The following SUPT3H variants were observed in gnomAD, a reference collection of about 807,000 sequenced individuals.
SUPT3H encodes the protein transcription initiation protein SPT3 homolog.
Under a neutral mutation model 44.3 loss-of-function variants are expected in SUPT3H, and 44 were observed. That is an observed-to-expected ratio of 0.99 (90% CI 0.78 to 1.28). The LOEUF is 1.28. SUPT3H is among the 50% of genes most tolerant of loss of function. SUPT3H has a pLI of 0.00. For missense variants in SUPT3H, 380 were observed against 387.1 expected (o/e 0.98, Z 0.15); for synonymous variants, 124 against 125.6 (o/e 0.99, Z 0.09).
intron 2 of SUPT3H, among the ~76,000 whole-genome samples, chr6:45,250,757 C>A (rs1349119023): frequency 1.3e-5 from 2 of 151,668 alleles, no homozygotes; most frequent in South Asian, 2.1e-4. Context: ...AAAAAAAGAT[C>A]CTAAAAGCAT....
intron 3 of SUPT3H, among the ~76,000 whole-genome samples, chr6:45,050,532 C>A (rs1316630992): frequency 6.6e-6 from 1 of 151,974 alleles, no homozygotes; most frequent in Non-Finnish European, 1.5e-5. Flanking sequence ...GCACAATAAT[C>A]ATTTGAACCT....
At chr6:44,852,567 C>T (rs549409937) in intron 10 of SUPT3H, among the ~76,000 whole-genome samples, 55 of 152,266 alleles carry the variant, frequency 3.6e-4, no homozygotes, top group African/African-American at 1.3e-3. Context: ...TTACCCTCTT[C>T]CCAACCTCCC....
At chr6:45,334,927 A>G (rs1464691017) in intron 2 of SUPT3H, among the ~76,000 whole-genome samples, 1 of 151,314 alleles carries the variant, frequency 6.6e-6, no homozygotes, top group East Asian at 1.9e-4. Flanking sequence ...ATAAAATCCA[A>G]AGATGTTATT....
intron 3 of SUPT3H, among the ~76,000 whole-genome samples, chr6:45,058,323 T>C (rs1290016927): frequency 6.6e-6 from 1 of 152,160 alleles, no homozygotes; most frequent in Non-Finnish European, 1.5e-5. Context: ...TTTTGTACCT[T>C]AGTTTCCTCA....
chr6:44,864,879 A>C (rs774617225), intron 10 of SUPT3H, among the ~76,000 whole-genome samples: 2 of 152,206 alleles, frequency 1.3e-5, no homozygotes, highest in Non-Finnish European at 2.9e-5. Flanking sequence ...GTTACTTATA[A>C]AAATTTCTAA....
intron 9 of SUPT3H, among the ~76,000 whole-genome samples, chr6:44,941,025 T>C (rs1772330556): frequency 6.6e-6 from 1 of 152,156 alleles, no homozygotes; most frequent in Admixed American, 6.5e-5. Flanking sequence ...TCTGCCAATC[T>C]GTATTTTTTA....
At chr6:45,113,577 G>C (rs1800383089) in intron 2 of SUPT3H, among the ~76,000 whole-genome samples, 1 of 152,054 alleles carries the variant, frequency 6.6e-6, no homozygotes, top group African/African-American at 2.4e-5. Flanking sequence ...CTCAACCCCA[G>C]CACTTTGGGA....
At chr6:45,191,300 T>C (rs181713426) in intron 2 of SUPT3H, among the ~76,000 whole-genome samples, 2 of 152,138 alleles carry the variant, frequency 1.3e-5, no homozygotes, top group African/African-American at 4.8e-5. Flanking sequence ...TGCCAAGTAA[T>C]AGAAGTCAAT....
At chr6:45,017,485 C>T (rs1180020690) in intron 4 of SUPT3H, among the ~76,000 whole-genome samples, 1 of 151,934 alleles carries the variant, frequency 6.6e-6, no homozygotes, top group African/African-American at 2.4e-5. Context: ...TTAGGTCTAA[C>T]ATTTAAGTCT....
rs568734838 is a variant in SUPT3H at position 44,886,057 on chromosome 6, G to T, written c.912+46596C>A. ...TGAATGAAATGAAGTGAGAAGGGAA[G>T]TTTAGAGAAAAAAGAATAAAAAGAA... is the stretch of plus-strand genomic sequence containing the variant. On this transcript the variant is annotated intron_variant, in intron 10 of 10. Coordinates refer to ENST00000371459, the MANE Select transcript of SUPT3H (RefSeq NM_003599.4). 9.2e-5 allele frequency among the ~76,000 whole-genome samples: 14 copies of T among 152,234 alleles called. No individual in the cohort carries two copies. In the South Asian group the frequency reaches 2.3e-3, roughly 25 times the overall value.
intron 11 of SUPT3H, among the ~76,000 whole-genome samples, chr6:44,810,573 T>G (rs1337351290): frequency 6.7e-6 from 1 of 149,110 alleles, no homozygotes; most frequent in Non-Finnish European, 1.5e-5. Context: ...AAAATGGATG[T>G]GTCATATAGG....
intron 10 of SUPT3H, among the ~76,000 whole-genome samples, chr6:44,920,663 A>C (rs1768561113): frequency 6.6e-6 from 1 of 152,158 alleles, no homozygotes. Flanking sequence ...GAAATCCATA[A>C]TGTATTTTGG....
intron 9 of SUPT3H, among the ~76,000 whole-genome samples, chr6:44,941,479 C>A (rs1277604033): frequency 6.6e-6 from 1 of 152,078 alleles, no homozygotes; most frequent in Non-Finnish European, 1.5e-5. Context: ...TCCTAGCCTG[C>A]CTGTAAGGTT....
intron 2 of SUPT3H, among the ~76,000 whole-genome samples, chr6:45,326,312 C>G (rs559745854): frequency 1.3e-5 from 2 of 151,920 alleles, no homozygotes; most frequent in Admixed American, 6.6e-5. Context: ...AGTGATTCTG[C>G]TATTATAGGT....
At chr6:45,088,454 G>C (rs989827357) in intron 3 of SUPT3H, among the ~76,000 whole-genome samples, 2 of 152,020 alleles carry the variant, frequency 1.3e-5, no homozygotes, top group Non-Finnish European at 2.9e-5. Context: ...ATGTAGACCA[G>C]TGTTAGGTCA....
intron 10 of SUPT3H, among the ~76,000 whole-genome samples, chr6:44,884,859 A>G (rs916094467): frequency 6.6e-6 from 1 of 152,130 alleles, no homozygotes; most frequent in East Asian, 1.9e-4. Context: ...TCCCTTTCCT[A>G]GTCAAAGAAA....
At chr6:45,349,017 T>C (rs1791495400) in intron 2 of SUPT3H, among the ~76,000 whole-genome samples, 2 of 152,232 alleles carry the variant, frequency 1.3e-5, no homozygotes, top group Admixed American at 1.3e-4. Flanking sequence ...AATGAATTTA[T>C]GAGTGGAAAG....
intron 10 of SUPT3H, among the ~76,000 whole-genome samples, chr6:44,838,668 G>A (rs1445786862): frequency 6.6e-6 from 1 of 152,104 alleles, no homozygotes; most frequent in Non-Finnish European, 1.5e-5. Context: ...TCCAAATTCA[G>A]GTCCGAGATA....
intron 3 of SUPT3H, among the ~76,000 whole-genome samples, chr6:45,055,949 A>G (rs1394505366): frequency 6.6e-6 from 1 of 152,188 alleles, no homozygotes; most frequent in Non-Finnish European, 1.5e-5. Flanking sequence ...AATATCCAGA[A>G]TCTACAAGGA....
Sources: gnomAD v4.1 joint callset for allele counts (sites outside exome capture counted in the v4.1 genomes callset) on GRCh38, gnomAD v4.1.1 for gene constraint, MANE v1.5 for transcripts, NCBI Gene and HGNC (gene_info 2026-07-23, HGNC 2026-07-21) for gene names.